The following ARHGEF37 variants were observed in gnomAD, a reference collection of about 807,000 sequenced individuals.
ARHGEF37 encodes the protein Rho guanine nucleotide exchange factor (GEF) 37.
In ARHGEF37, 55 loss-of-function variants were observed where a neutral mutation model predicts 71.1. The observed-to-expected ratio is 0.77, with a 90% CI of 0.62 to 0.97. The LOEUF (loss-of-function observed/expected upper bound fraction) is 0.97. ARHGEF37 is among the 50% of genes least tolerant of loss of function. The probability of loss-of-function intolerance (pLI) is 0.00; values close to 1 mark genes in which losing one functional copy is unlikely to be tolerated. For synonymous variants in ARHGEF37, 327 were observed against 350.6 expected (o/e 0.93, Z 0.75); for missense variants, 765 against 836.8 (o/e 0.91, Z 1.06).
At position 149,623,985 on chromosome 5, in the gene ARHGEF37, CTG is replaced by C. The variant is rs1165390685; in HGVS notation, c.1336-25_1336-24del. The C allele has an allele frequency of 2.5e-6, 4 of 1,577,384 alleles. No individual in the cohort carries two copies. The African/African-American group carries it at 5.4e-5, about 21-fold the overall frequency. On this transcript the variant is annotated intron_variant, in intron 9 of 12. Coordinates refer to ENST00000333677, the MANE Select transcript of ARHGEF37 (RefSeq NM_001001669.3). ...TCTCATTGTCCCCTCTTGCCCAGCT[CTG>C]TTGACAGTGTCTGTCCCCACTTAGC...
At chr5:149,571,406 TA>T (rs1561784314) in intron 1 of ARHGEF37, among the ~76,000 whole-genome samples, 1 of 152,164 alleles carries the variant, frequency 6.6e-6, no homozygotes, top group East Asian at 1.9e-4. Flanking sequence ...CATACAAAAA[TA>T]AAATTTTAGG....
chr5:149,563,508 G>A (rs1009310364), intron 1 of ARHGEF37, among the ~76,000 whole-genome samples: 5 of 152,156 alleles, frequency 3.3e-5, no homozygotes, highest in African/African-American at 7.2e-5. Context: ...GTCCTACACT[G>A]TATCATTGAT....
Position 149,621,903 on chromosome 5 carries a change from G to T in ARHGEF37, c.1176G>T (p.Arg392=). The T allele has an allele frequency of 6.2e-7, 1 of 1,614,234 alleles. No individual in the cohort carries two copies. The highest frequency in any genetic ancestry group is 1.1e-5 in the South Asian group (1 of 91,092). The change falls in exon 9 of 13, where the codon CGG becomes CGT. Residue 392 remains arginine, a synonymous_variant. Coordinates refer to ENST00000333677, the MANE Select transcript of ARHGEF37 (RefSeq NM_001001669.3). ...GSVTYQEEAA[R]HTYQALNSLL... is the part of the protein sequence containing the mutation. Reference sequence around the variant, plus strand: ...TGACCTACCAGGAGGAGGCCGCCCGGCACACATACCAGGCACTCAACTCGC... The same window carrying T: ...TGACCTACCAGGAGGAGGCCGCCCGTCACACATACCAGGCACTCAACTCGC...
intron 1 of ARHGEF37, among the ~76,000 whole-genome samples, chr5:149,582,066 G>T (rs1291740639): frequency 2.0e-5 from 3 of 152,188 alleles, no homozygotes; most frequent in Non-Finnish European, 4.4e-5. Flanking sequence ...ACAGAAATCC[G>T]TGATCCATAG....
upstream of ARHGEF37, among the ~76,000 whole-genome samples, chr5:149,577,921 T>C (rs965546569): frequency 2.0e-5 from 3 of 152,226 alleles, no homozygotes; most frequent in African/African-American, 7.2e-5. Context: ...TAAAGTTTAT[T>C]CAGTAAATTT....
intron 1 of ARHGEF37, among the ~76,000 whole-genome samples, chr5:149,584,026 C>G (rs774722760): frequency 1.3e-5 from 2 of 152,192 alleles, no homozygotes; most frequent in Non-Finnish European, 2.9e-5. Context: ...TCCCAAAGTG[C>G]TGGGATTACA....
At chr5:149,558,124 G>A (rs1405759489) in intron 1 of ARHGEF37, among the ~76,000 whole-genome samples, 1 of 152,058 alleles carries the variant, frequency 6.6e-6, no homozygotes, top group Non-Finnish European at 1.5e-5. Context: ...CACCTGACTT[G>A]GCCTCCCAAA....
chr5:149,591,063 G>T (rs6579743), intron 1 of ARHGEF37, among the ~76,000 whole-genome samples: 100,061 of 151,912 alleles, frequency 0.66, 35,044 homozygotes, highest in East Asian at 0.99. Flanking sequence ...CCTCTTTTAG[G>T]TCTTTTTTTC....
At chr5:149,628,682 A>G in intron 11 of ARHGEF37, 127 bp from the exon 12 acceptor site, 2 of 1,273,582 alleles carry the variant, frequency 1.6e-6, no homozygotes, top group African/African-American at 3.0e-5. Flanking sequence ...GGGTTCCTAG[A>G]TGACCTTTTG....
chr5:149,614,030 C>A (rs1752300441), intron 4 of ARHGEF37, among the ~76,000 whole-genome samples: 1 of 151,942 alleles, frequency 6.6e-6, no homozygotes, highest in East Asian at 1.9e-4. Context: ...TCCCAAAGGG[C>A]TAGGATTACA....
intron 9 of ARHGEF37, among the ~76,000 whole-genome samples, chr5:149,623,057 C>T (rs1752588910): frequency 1.3e-5 from 2 of 152,172 alleles, no homozygotes; most frequent in Admixed American, 6.5e-5. Flanking sequence ...CTGGATGTGG[C>T]CACTCTGCAC....
intron 1 of ARHGEF37, among the ~76,000 whole-genome samples, chr5:149,585,278 TATC>T (rs1027439130): frequency 3.3e-4 from 50 of 152,322 alleles, no homozygotes; most frequent in African/African-American, 1.2e-3. Flanking sequence ...AATATACACT[TATC>T]ATGTTATCCG....
At chr5:149,619,296 A>C (rs1752468053) in intron 7 of ARHGEF37, among the ~76,000 whole-genome samples, 1 of 152,204 alleles carries the variant, frequency 6.6e-6, no homozygotes, top group Admixed American at 6.5e-5. Flanking sequence ...AGAGCCCCGC[A>C]GAGCAACTCT....
At position 149,598,103 on chromosome 5, in the gene ARHGEF37, G is replaced by A. The variant is rs907514379; in HGVS notation, c.186+148G>A. On this transcript the variant is annotated intron_variant, in intron 2 of 12. Transcript: ENST00000333677. ...CTGACAGACCTGGATGTAAGCCCCAGTACTTCTTTTCCTTGGCCGTGCAAC... is the reference window on the plus strand; with the variant it reads ...CTGACAGACCTGGATGTAAGCCCCAATACTTCTTTTCCTTGGCCGTGCAAC... 9 of 992,258 alleles carry A rather than the reference G, an allele frequency of 9.1e-6. No individual in the cohort carries two copies. The African/African-American group carries it at 1.5e-4, about 17-fold the overall frequency. The allele number at this position is 992,258 out of a possible 1,614,324, so 61.5% of individuals were successfully genotyped here.
rs201683478 is a variant in ARHGEF37, at chr5:149,565,829, A to ATTTTTTTTTTTTTTTTT, written c.-12+13725_-12+13741dup. ...TAGCTTTGTAATGTCAGAAACTCTA[A>ATTTTTTTTTTTTTTTTT]TTTTTTTTTTTTTTTTTTTTTTTTT... is the stretch of plus-strand genomic sequence containing the variant. On this transcript the variant is annotated intron_variant, in intron 1 of 2. Transcript: ENST00000505810. Among the ~76,000 whole-genome samples the ATTTTTTTTTTTTTTTTT allele has an allele frequency of 8.2e-4, 69 of 84,556 alleles. 7 individuals are homozygous for ATTTTTTTTTTTTTTTTT. Among genetic ancestry groups the ATTTTTTTTTTTTTTTTT allele is most frequent in the Non-Finnish European group, 1.3e-3 (47 of 37,428 alleles). The allele number at this position is 84,556 out of a possible 152,430, so 55.5% of individuals were successfully genotyped here.
chr5:149,589,624 C>A (rs1192233032), intron 1 of ARHGEF37, among the ~76,000 whole-genome samples: 2 of 152,108 alleles, frequency 1.3e-5, no homozygotes, highest in East Asian at 3.9e-4. Context: ...TTCAGCCCCC[C>A]GAGTAGCTGG....
At chr5:149,629,930 A>G (rs1469615376) in intron 12 of ARHGEF37, among the ~76,000 whole-genome samples, 1 of 152,104 alleles carries the variant, frequency 6.6e-6, no homozygotes, top group Non-Finnish European at 1.5e-5. Flanking sequence ...TAAGTGAACA[A>G]AGTCAGATGC....
intron 4 of ARHGEF37, 58 bp downstream of exon 4, chr5:149,609,753 G>A (rs1764026264): frequency 6.2e-7 from 1 of 1,604,092 alleles, no homozygotes; most frequent in Non-Finnish European, 8.5e-7. Context: ...TTCAGGAGCA[G>A]CTATGGTCTC....
intron 4 of ARHGEF37, among the ~76,000 whole-genome samples, chr5:149,611,096 C>G (rs1164352813): frequency 1.3e-5 from 2 of 152,204 alleles, no homozygotes. Context: ...CGCCTGCTAG[C>G]TTATTCACAT....
Sources: gnomAD v4.1 joint callset for allele counts (sites outside exome capture counted in the v4.1 genomes callset) on GRCh38, gnomAD v4.1.1 for gene constraint, MANE v1.5 for transcripts, NCBI Gene and HGNC (gene_info 2026-07-23, HGNC 2026-07-21) for gene names.